The following DAP3 variants were observed in gnomAD, a reference collection of about 807,000 sequenced individuals.
The protein encoded by DAP3 is small ribosomal subunit protein mS29.
In DAP3, 28 loss-of-function variants were observed where a neutral mutation model predicts 51.9. The ratio of observed to expected loss-of-function variants is 0.54; its 90% CI spans 0.40 to 0.74. DAP3 has a LOEUF of 0.74. DAP3 is among the 30% of genes least tolerant of loss of function. The pLI is 0.00. For synonymous variants in DAP3, 170 were observed against 170.3 expected, an observed-to-expected ratio of 1.00 and a Z score of 0.01; for missense variants, 458 against 483.5, an observed-to-expected ratio of 0.95 and a Z score of 0.49.
At chr1:155,711,321 C>T (rs1558350524) in intron 2 of DAP3, among the ~76,000 whole-genome samples, 1 of 152,000 alleles carries the variant, frequency 6.6e-6, no homozygotes, top group African/African-American at 2.4e-5. Context: ...AGTGAAACCC[C>T]GTCTCTACTA....
chr1:155,700,600 C>G (rs1270429569), intron 1 of DAP3, among the ~76,000 whole-genome samples: 1 of 147,790 alleles, frequency 6.8e-6, no homozygotes, highest in Non-Finnish European at 1.5e-5. Context: ...CCAGCCGCCC[C>G]GTCCGGGAGG....
At chr1:155,725,314 T>A in intron 4 of DAP3, 68 bp from the exon 5 acceptor site, 1 of 1,397,784 alleles carries the variant, frequency 7.2e-7, no homozygotes, top group Non-Finnish European at 1.0e-6. Flanking sequence ...TTAGGCAGAG[T>A]ATATATACCA....
Position 155,729,305 on chromosome 1 carries a change from C to T in DAP3, c.782C>T (p.Ala261Val). The T allele has an allele frequency of 6.2e-7, 1 of 1,614,144 alleles. No homozygotes were observed. The highest frequency in any genetic ancestry group is 8.5e-7 in the Non-Finnish European group (1 of 1,180,028). The stretch of plus-strand genomic sequence containing the variant: ...TTGGGTATGTTTCACCTCCTAGTGG[C>T]CGTGGATGGAATCAATGCTCTTTGG... The part of the protein sequence containing the change: ...SSLGMFHLLV[A>V]VDGINALWGR... Residue 261 changes from alanine (A) to valine (V), a missense_variant, in exon 9 of 13, where the codon GCC becomes GTC. Transcript: ENST00000368336.
Position 155,738,497 on chromosome 1 carries a change from C to T in DAP3, c.*255C>T. 2.5e-6 allele frequency: 1 copy of T among 404,582 alleles called. No homozygotes were observed. Among genetic ancestry groups the T allele is most frequent in the Non-Finnish European group, 4.4e-6 (1 of 227,654 alleles). The allele number at this position is 404,582 out of a possible 1,614,324, so 25.1% of individuals were successfully genotyped here. The stretch of plus-strand genomic sequence containing the variant: ...TTTTTCACATTTAAGATAATTATGG[C>T]TCTTTTCCTAAAAAATAAAATATCT... On this transcript the variant is annotated 3_prime_UTR_variant, in exon 13 of 13. Transcript: ENST00000368336.
chr1:155,689,085 T>A (rs1558325585), upstream of DAP3: 4 of 1,439,140 alleles, frequency 2.8e-6, no homozygotes, highest in South Asian at 1.2e-5. Flanking sequence ...GACCCGACCC[T>A]TTTTTGCAGT....
intron 1 of DAP3, among the ~76,000 whole-genome samples, chr1:155,690,874 G>A (rs1286117917): frequency 1.4e-5 from 2 of 142,114 alleles, no homozygotes; most frequent in Non-Finnish European, 2.9e-5. Flanking sequence ...TGAGCAACTA[G>A]GACTACAGGC....
chr1:155,721,753 C>A, intron 4 of DAP3, 135 bp downstream of exon 4: 1 of 757,718 alleles, frequency 1.3e-6, no homozygotes. Context: ...GTGTTGATTA[C>A]CTTTTGTGAC....
chr1:155,701,042 G>A (rs1490833155), intron 1 of DAP3, among the ~76,000 whole-genome samples: 6 of 131,220 alleles, frequency 4.6e-5, no homozygotes, highest in Non-Finnish European at 9.2e-5. Context: ...GCCCCCTCCG[G>A]GAGGGAGGTG....
chr1:155,707,032 A>C (rs895748392), intron 1 of DAP3, among the ~76,000 whole-genome samples: 1 of 152,094 alleles, frequency 6.6e-6, no homozygotes, highest in Non-Finnish European at 1.5e-5. Context: ...TGGAGGTTGC[A>C]GTGAGCCGGG....
At chr1:155,687,960 G>C (rs896476294), upstream of DAP3, 3 of 1,241,446 alleles carry the variant, frequency 2.4e-6, no homozygotes, top group Admixed American at 5.2e-5. Flanking sequence ...CTTCACCACT[G>C]CTCTCCCAGA....
chr1:155,733,213 G>A (rs1659422119), intron 11 of DAP3, among the ~76,000 whole-genome samples: 1 of 152,228 alleles, frequency 6.6e-6, no homozygotes, highest in Admixed American at 6.5e-5. Context: ...GTCTGAGTGA[G>A]TGCATCCTAT....
chr1:155,688,848 A>G (rs1653192225), upstream of DAP3: 1 of 1,594,236 alleles, frequency 6.3e-7, no homozygotes, highest in Non-Finnish European at 8.5e-7. Context: ...GGGGCAGGAG[A>G]GGAAGGGACC....
chr1:155,717,142 A>G lies in DAP3; in HGVS notation c.168+14A>G. ...GAGAATGACCCGGTGAGTTACTAAT[A>G]TGTATATGGGGTTTCTCAGGGCTTA... On this transcript the variant is annotated intron_variant, in intron 3 of 12. Transcript: ENST00000368336. 1.2e-6 allele frequency: 2 copies of G among 1,613,360 alleles called. No homozygotes were observed. The highest frequency in any genetic ancestry group is 1.1e-5 in the South Asian group (1 of 90,900).
At chr1:155,723,180 G>T (rs561309511) in intron 4 of DAP3, among the ~76,000 whole-genome samples, 3 of 152,110 alleles carry the variant, frequency 2.0e-5, no homozygotes, top group East Asian at 3.9e-4. Flanking sequence ...TAGAGACAGG[G>T]TCTCACTCTG....
upstream of DAP3, chr1:155,688,295 T>A (rs762530898): frequency 8.3e-6 from 13 of 1,571,548 alleles, no homozygotes; most frequent in Non-Finnish European, 1.1e-5. Context: ...TGGGATCGTT[T>A]CCCCTCGCAA....
chr1:155,708,338 C>A (rs1331404611), intron 1 of DAP3, among the ~76,000 whole-genome samples: 1 of 152,214 alleles, frequency 6.6e-6, no homozygotes, highest in Admixed American at 6.5e-5. Flanking sequence ...CTTGAGCCAC[C>A]ACACTTTCAA....
intron 10 of DAP3, among the ~76,000 whole-genome samples, 186 bp from the exon 11 acceptor site, chr1:155,731,758 A>G (rs544814672): frequency 6.0e-4 from 92 of 152,292 alleles, no homozygotes; most frequent in African/African-American, 2.0e-3. Flanking sequence ...GTAAATTTAA[A>G]ATCAGGTAGC....
chr1:155,717,083 A>T lies in DAP3; in HGVS notation c.123A>T (p.Pro41=). 1 of 1,614,122 alleles carries T rather than the reference A, an allele frequency of 6.2e-7. No homozygotes were observed. The highest frequency in any genetic ancestry group is 8.5e-7 in the Non-Finnish European group (1 of 1,180,024). ...CTGCTCACCTAGATAACCAGGTTCC[A>T]GTTGAGAGTCCGAGAGCTATTTCCC... ...SIAAHLDNQV[P]VESPRAISRT... is the part of the protein sequence containing the mutation. The change falls in exon 3 of 13, where the codon CCA becomes CCT. Residue 41 remains proline, a synonymous_variant. Transcript: ENST00000368336.
chr1:155,730,103 CAT>C lies in DAP3; in HGVS notation c.843+742_843+743del, dbSNP rs548419044. Among the ~76,000 whole-genome samples the C allele has an allele frequency of 2.2e-3, 298 of 136,454 alleles. 1 individual carries two copies. Among genetic ancestry groups the C allele is most frequent in the South Asian group, 5.5e-3 (26 of 4,750 alleles). The allele number at this position is 136,454 out of a possible 152,430, so 89.5% of individuals were successfully genotyped here. A position where few individuals can be genotyped will look rare whatever the true frequency, so the allele number is the denominator to read the frequency against. On this transcript the variant is annotated intron_variant, in intron 9 of 12. Transcript: ENST00000368336. The stretch of plus-strand genomic sequence containing the variant: ...ATATTCATATATGTATATATACACA[CAT>C]ATATTCATATATATTTATATATACA...
Sources: gnomAD v4.1 joint callset for allele counts (sites outside exome capture counted in the v4.1 genomes callset) on GRCh38, gnomAD v4.1.1 for gene constraint, MANE v1.5 for transcripts, NCBI Gene and HGNC (gene_info 2026-07-23, HGNC 2026-07-21) for gene names.